FBN2: variants seen among roughly 807,000 people sequenced by gnomAD.
The protein encoded by FBN2 is fibrillin-2.
In FBN2, 105 loss-of-function variants were observed where a neutral mutation model predicts 355.6. The observed-to-expected ratio is 0.30, with a 90% CI of 0.25 to 0.35. The LOEUF is 0.35. FBN2 is among the 10% of genes least tolerant of loss of function. FBN2 has a pLI of 1.00. For missense variants in FBN2, 3,280 were observed against 3,758.7 expected, an observed-to-expected ratio of 0.87 and a Z score of 3.33; for synonymous variants, 1,350 against 1,301.2, an observed-to-expected ratio of 1.04 and a Z score of -0.81.
chr5:128,304,272 C>T (rs1457522069), intron 45 of FBN2, among the ~76,000 whole-genome samples: 1 of 152,212 alleles, frequency 6.6e-6, no homozygotes, highest in African/African-American at 2.4e-5. Flanking sequence ...GAGCCAACTG[C>T]TGACATCAGA....
chr5:128,365,048 A>T lies in FBN2; in HGVS notation c.2303-323T>A, dbSNP rs1751731385. On this transcript the variant is annotated intron_variant, in intron 17 of 64. Coordinates refer to ENST00000262464, the MANE Select transcript of FBN2 (RefSeq NM_001999.4). ...GCTGTTGGCTCCAAATCCAAAGGAA[A>T]ACTCGAGTTGATAGATATTGTAATC... 1.9e-5 allele frequency: 5 copies of T among 258,518 alleles called. No homozygotes were observed. The South Asian group carries it at 2.0e-4, about 10-fold the overall frequency. The allele number at this position is 258,518 out of a possible 1,614,324, so 16.0% of individuals were successfully genotyped here.
chr5:128,449,389 A>AATAGTATACTGTATAATTAT (rs1162190882), intron 6 of FBN2, among the ~76,000 whole-genome samples: 1 of 94,294 alleles, frequency 1.1e-5, no homozygotes, highest in African/African-American at 6.5e-5. Context: ...TATACTATAT[A>AATAGTATACTGTATAATTAT]ATAGTATACT....
intron 55 of FBN2, among the ~76,000 whole-genome samples, chr5:128,283,844 T>G: frequency 6.6e-6 from 1 of 152,240 alleles, no homozygotes. Flanking sequence ...TAGCATCAAG[T>G]AAATTATTAT....
At chr5:128,467,774 A>T (rs1248867627) in intron 5 of FBN2, among the ~76,000 whole-genome samples, 2 of 152,152 alleles carry the variant, frequency 1.3e-5, no homozygotes, top group Non-Finnish European at 2.9e-5. Context: ...TGACCAAGAA[A>T]ATTTTGTTAA....
intron 5 of FBN2, among the ~76,000 whole-genome samples, chr5:128,513,348 T>C (rs531006445): frequency 6.6e-6 from 1 of 152,362 alleles, no homozygotes; most frequent in South Asian, 2.1e-4. Flanking sequence ...TTTGTGTGTG[T>C]CTGGTAGTTT....
chr5:128,291,657 G>A lies in FBN2; in HGVS notation c.6167-3C>T. 6.2e-7 allele frequency: 1 copy of A among 1,612,894 alleles called. No individual in the cohort carries two copies. Among genetic ancestry groups the A allele is most frequent in the Non-Finnish European group, 8.5e-7 (1 of 1,178,980 alleles). On this transcript the variant is annotated splice_polypyrimidine_tract_variant and splice_region_variant and intron_variant, in intron 48 of 64. Transcript: ENST00000262464. ...ATCTTCATCACATTCATTTATATCT[G>A]CAGAACAGGGGGAGTATTTATTAGC...
At chr5:128,289,586 A>G (rs1440269089) in intron 51 of FBN2, among the ~76,000 whole-genome samples, 2 of 152,024 alleles carry the variant, frequency 1.3e-5, no homozygotes, top group African/African-American at 2.4e-5. Context: ...ACTCCACCTC[A>G]AAATAAATAA....
intron 7 of FBN2, among the ~76,000 whole-genome samples, chr5:128,425,147 T>C (rs776624554): frequency 4.6e-5 from 7 of 152,026 alleles, no homozygotes; most frequent in African/African-American, 9.7e-5. Flanking sequence ...ACTTAAAACA[T>C]AGACCTTTAA....
chr5:128,316,884 G>C (rs1167480436), intron 36 of FBN2, among the ~76,000 whole-genome samples: 1 of 152,188 alleles, frequency 6.6e-6, no homozygotes, highest in Non-Finnish European at 1.5e-5. Flanking sequence ...CAGAATTTCT[G>C]AGGGTGTAAC....
intron 5 of FBN2, among the ~76,000 whole-genome samples, chr5:128,472,046 A>G (rs1168608664): frequency 6.6e-6 from 1 of 152,248 alleles, no homozygotes; most frequent in East Asian, 1.9e-4. Context: ...AGGCACTTGA[A>G]GAGATATTTA....
intron 19 of FBN2, among the ~76,000 whole-genome samples, 185 bp from the exon 20 acceptor site, chr5:128,357,580 T>C (rs1260567561): frequency 6.6e-6 from 1 of 152,198 alleles, no homozygotes; most frequent in African/African-American, 2.4e-5. Context: ...TACACATCTA[T>C]AGGACTGGGA....
At chr5:128,315,111 C>T (rs1750166035) in intron 36 of FBN2, among the ~76,000 whole-genome samples, 1 of 152,082 alleles carries the variant, frequency 6.6e-6, no homozygotes, top group African/African-American at 2.4e-5. Flanking sequence ...TCATCATTTA[C>T]CAACTACATC....
intron 7 of FBN2, among the ~76,000 whole-genome samples, chr5:128,427,726 T>G (rs1178643657): frequency 6.6e-6 from 1 of 152,208 alleles, no homozygotes; most frequent in East Asian, 1.9e-4. Flanking sequence ...ACTTTGCCTG[T>G]AACTTCTGCT....
intron 19 of FBN2, among the ~76,000 whole-genome samples, chr5:128,360,661 A>G (rs1381153865): frequency 6.6e-6 from 1 of 152,026 alleles, no homozygotes; most frequent in Non-Finnish European, 1.5e-5. Flanking sequence ...TGACTTCAGC[A>G]GAGTCATTCA....
intron 7 of FBN2, among the ~76,000 whole-genome samples, chr5:128,436,330 A>T (rs369778491): frequency 6.6e-6 from 1 of 152,204 alleles, no homozygotes; most frequent in African/African-American, 2.4e-5. Context: ...GCTTCTAAAA[A>T]TCAGACTAAA....
chr5:128,455,964 T>A, intron 6 of FBN2, among the ~76,000 whole-genome samples: 1 of 117,274 alleles, frequency 8.5e-6, no homozygotes, highest in East Asian at 2.4e-4. Context: ...CTAAGCCTTT[T>A]GAGCTCCTTG....
chr5:128,459,266 C>A (rs1254490259), intron 6 of FBN2, among the ~76,000 whole-genome samples: 2 of 152,094 alleles, frequency 1.3e-5, no homozygotes, highest in Non-Finnish European at 2.9e-5. Flanking sequence ...AGTTGAACCC[C>A]TAAATAGACC....
chr5:128,383,316 T>TA (rs999373045), intron 11 of FBN2, among the ~76,000 whole-genome samples: 4 of 151,784 alleles, frequency 2.6e-5, no homozygotes, highest in East Asian at 1.9e-4. Flanking sequence ...CATACAATAT[T>TA]AAAAAAAATG....
intron 44 of FBN2, among the ~76,000 whole-genome samples, 176 bp downstream of exon 44, chr5:128,305,335 T>C (rs1438364460): frequency 6.6e-6 from 1 of 152,202 alleles, no homozygotes; most frequent in Non-Finnish European, 1.5e-5. Context: ...GGGAAATCCA[T>C]TGAAGAGATC....
Sources: gnomAD v4.1 joint callset for allele counts (sites outside exome capture counted in the v4.1 genomes callset) on GRCh38, gnomAD v4.1.1 for gene constraint, MANE v1.5 for transcripts, NCBI Gene and HGNC (gene_info 2026-07-23, HGNC 2026-07-21) for gene names.